The following CTNNA3 variants were observed in gnomAD, a reference collection of about 807,000 sequenced individuals.
CTNNA3 encodes the protein catenin alpha-3.
In CTNNA3, 76 loss-of-function variants were observed where a neutral mutation model predicts 95.7. The ratio of observed to expected loss-of-function variants is 0.79; its 90% CI spans 0.66 to 0.96. The LOEUF is 0.96. Ranked by LOEUF, CTNNA3 falls within the 40% of genes least tolerant of loss-of-function variation. CTNNA3 has a pLI of 0.00. For missense variants in CTNNA3, 1,191 were observed against 1,089.8 expected (o/e 1.09, Z -1.31); for synonymous variants, 431 against 374.4 (o/e 1.15, Z -1.74).
At chr10:67,714,340 C>T (rs527614069) in intron 1 of CTNNA3, among the ~76,000 whole-genome samples, 1 of 152,364 alleles carries the variant, frequency 6.6e-6, no homozygotes, top group Admixed American at 6.5e-5. Context: ...CCTCTTGCAT[C>T]ACTGTGACCT....
At chr10:67,406,873 A>G (rs1028117451) in intron 5 of CTNNA3, among the ~76,000 whole-genome samples, 1 of 152,144 alleles carries the variant, frequency 6.6e-6, no homozygotes, top group Non-Finnish European at 1.5e-5. Flanking sequence ...ACCAGAAAGA[A>G]ACTGAGTCCC....
At chr10:66,988,760 G>A (rs1197987466) in intron 7 of CTNNA3, among the ~76,000 whole-genome samples, 1 of 151,968 alleles carries the variant, frequency 6.6e-6, no homozygotes, top group Non-Finnish European at 1.5e-5. Context: ...AAAGGAGACA[G>A]GTGCAATTTT....
At chr10:66,516,991 G>A (rs1357175277) in intron 11 of CTNNA3, among the ~76,000 whole-genome samples, 3 of 152,088 alleles carry the variant, frequency 2.0e-5, no homozygotes, top group African/African-American at 7.2e-5. Context: ...GAGAGGTCAA[G>A]GCGGGTGGAT....
At chr10:66,679,857 C>T (rs4746628) in intron 9 of CTNNA3, among the ~76,000 whole-genome samples, 84,213 of 151,898 alleles carry the variant, frequency 0.55, 24,087 homozygotes, top group African/African-American at 0.69. Context: ...CAAAGGGTGA[C>T]GAAATCGCAA....
intron 15 of CTNNA3, among the ~76,000 whole-genome samples, chr10:66,021,329 C>CA (rs1465597093): frequency 2.0e-5 from 3 of 152,112 alleles, no homozygotes; most frequent in African/African-American, 7.2e-5. Flanking sequence ...TACTGAAGAG[C>CA]AATCCACATC....
In CTNNA3 at chr10:67,688,853, G is replaced by A. The variant is rs145814871; in HGVS notation, c.-6+7147C>T. 2.9e-3 allele frequency among the ~76,000 whole-genome samples: 441 copies of A among 152,096 alleles called. 14 individuals are homozygous for A. The highest frequency in any genetic ancestry group is 7.5e-3 in the African/African-American group (311 of 41,494). On this transcript the variant is annotated intron_variant, in intron 1 of 17. Coordinates refer to ENST00000433211, the MANE Select transcript of CTNNA3 (RefSeq NM_013266.4). Reference sequence around the variant, plus strand: ...AGAAACACCTCTTGCCCAAGAACCCGCAACGGTCCCTGGACCCTGCTGATC... The same window carrying A: ...AGAAACACCTCTTGCCCAAGAACCCACAACGGTCCCTGGACCCTGCTGATC...
intron 5 of CTNNA3, among the ~76,000 whole-genome samples, chr10:67,407,969 C>T (rs1183206423): frequency 6.6e-6 from 1 of 151,742 alleles, no homozygotes; most frequent in East Asian, 1.9e-4. Context: ...AGAAACAAAT[C>T]ATAAATGAAC....
At chr10:67,752,264 A>C (rs1464703350) in intron 1 of CTNNA3, among the ~76,000 whole-genome samples, 2 of 152,366 alleles carry the variant, frequency 1.3e-5, no homozygotes, top group East Asian at 3.9e-4. Context: ...CCGTTGATAA[A>C]ATTTAACATC....
chr10:66,510,184 T>C (rs1419631190), intron 11 of CTNNA3, among the ~76,000 whole-genome samples: 1 of 151,984 alleles, frequency 6.6e-6, no homozygotes, highest in Non-Finnish European at 1.5e-5. Context: ...TTAAATTCTT[T>C]TTCACCTAGT....
At chr10:66,640,308 A>C (rs1845473439) in intron 9 of CTNNA3, among the ~76,000 whole-genome samples, 1 of 152,118 alleles carries the variant, frequency 6.6e-6, no homozygotes, top group Admixed American at 6.5e-5. Context: ...GAACTGTCCT[A>C]GGTTGTAGGA....
At chr10:66,788,169 G>C (rs1211687559) in intron 7 of CTNNA3, among the ~76,000 whole-genome samples, 3 of 152,136 alleles carry the variant, frequency 2.0e-5, no homozygotes, top group African/African-American at 7.2e-5. Flanking sequence ...AGAATCTTAA[G>C]TGTTAGACTT....
chr10:67,271,731 C>A (rs1327267533), intron 5 of CTNNA3, among the ~76,000 whole-genome samples: 1 of 152,122 alleles, frequency 6.6e-6, no homozygotes, highest in Non-Finnish European at 1.5e-5. Flanking sequence ...TAATAGGCAT[C>A]CAGTAGTAGA....
At chr10:67,064,719 T>C (rs551803379) in intron 7 of CTNNA3, among the ~76,000 whole-genome samples, 4 of 152,296 alleles carry the variant, frequency 2.6e-5, no homozygotes, top group Admixed American at 2.0e-4. Flanking sequence ...CTGTGTGAGG[T>C]ATTAATTGAA....
At chr10:65,925,247 T>C (rs1351370327) in intron 17 of CTNNA3, among the ~76,000 whole-genome samples, 1 of 151,552 alleles carries the variant, frequency 6.6e-6, no homozygotes, top group Non-Finnish European at 1.5e-5. Context: ...GTTCTGCAGA[T>C]TACTTCACTT....
rs978770238 is a variant in CTNNA3 at position 67,249,239 on chromosome 10, T to C, written c.580-29369A>G. Among the ~76,000 whole-genome samples the C allele has an allele frequency of 2.6e-5, 4 of 152,238 alleles. No homozygotes were observed. In the South Asian group the frequency reaches 8.3e-4, roughly 32 times the overall value. ...TATATAAAGAGCTATAAAAACTCAATAATAAAACAATTACTCATTAAAAAA... is the reference window on the plus strand; with the variant it reads ...TATATAAAGAGCTATAAAAACTCAACAATAAAACAATTACTCATTAAAAAA... On this transcript the variant is annotated intron_variant, in intron 5 of 17. Coordinates refer to ENST00000433211, the MANE Select transcript of CTNNA3 (RefSeq NM_013266.4).
chr10:66,971,980 C>A (rs777047427), intron 7 of CTNNA3, among the ~76,000 whole-genome samples: 63 of 151,376 alleles, frequency 4.2e-4, no homozygotes, highest in Admixed American at 5.9e-4. Context: ...ATTAAATTTT[C>A]TTTAATTAAC....
chr10:67,091,661 A>G (rs943187276), intron 7 of CTNNA3, among the ~76,000 whole-genome samples: 2 of 152,098 alleles, frequency 1.3e-5, no homozygotes, highest in African/African-American at 4.8e-5. Context: ...GAAAAAGGTA[A>G]TGATACTTTG....
At chr10:66,900,648 G>T (rs1305206283) in intron 7 of CTNNA3, among the ~76,000 whole-genome samples, 1 of 152,066 alleles carries the variant, frequency 6.6e-6, no homozygotes, top group African/African-American at 2.4e-5. Context: ...TAGATGAATG[G>T]CTAACTAGAA....
chr10:67,472,231 C>A (rs1847855151), intron 5 of CTNNA3, among the ~76,000 whole-genome samples: 1 of 152,088 alleles, frequency 6.6e-6, no homozygotes, highest in South Asian at 2.1e-4. Context: ...TGGACTTTCA[C>A]CTATATTTCA....
Sources: gnomAD v4.1 joint callset for allele counts (sites outside exome capture counted in the v4.1 genomes callset) on GRCh38, gnomAD v4.1.1 for gene constraint, MANE v1.5 for transcripts, NCBI Gene and HGNC (gene_info 2026-07-23, HGNC 2026-07-21) for gene names.